The following DYNC1I1 variants were observed in gnomAD, a reference collection of about 807,000 sequenced individuals.
DYNC1I1 encodes the protein dynein cytoplasmic 1 intermediate chain 1.
A neutral mutation model predicts 86.6 loss-of-function variants in DYNC1I1; 43 were observed. The observed-to-expected ratio is 0.50, with a 90% CI of 0.39 to 0.64. DYNC1I1 has a LOEUF of 0.64. Among genes scored for constraint, DYNC1I1 ranks in the 30% least tolerant of loss-of-function variants. The probability of loss-of-function intolerance (pLI) is 0.00; values close to 1 mark genes in which losing one functional copy is unlikely to be tolerated. For synonymous variants in DYNC1I1, 262 were observed against 283.7 expected (o/e 0.92, Z 0.77); for missense variants, 604 against 788.8 (o/e 0.77, Z 2.81).
chr7:95,998,019 CATA>C (rs1466683972), intron 10 of DYNC1I1, among the ~76,000 whole-genome samples: 1 of 152,210 alleles, frequency 6.6e-6, no homozygotes, highest in East Asian at 1.9e-4. Flanking sequence ...AGACAGATAA[CATA>C]ATAAAGGCAA....
At chr7:95,931,308 C>G (rs967590886) in intron 6 of DYNC1I1, among the ~76,000 whole-genome samples, 1 of 152,098 alleles carries the variant, frequency 6.6e-6, no homozygotes, top group Admixed American at 6.5e-5. Flanking sequence ...CACCACCACA[C>G]CCAGCTAACT....
chr7:95,996,206 TC>T, intron 10 of DYNC1I1, 133 bp downstream of exon 10: 1 of 1,336,346 alleles, frequency 7.5e-7, no homozygotes, highest in Non-Finnish European at 1.0e-6. Flanking sequence ...TTTGGAAAAT[TC>T]CCCCACAGTA....
At chr7:96,091,160 T>G (rs972059947) in intron 16 of DYNC1I1, among the ~76,000 whole-genome samples, 1 of 152,194 alleles carries the variant, frequency 6.6e-6, no homozygotes, top group Non-Finnish European at 1.5e-5. Flanking sequence ...ATTGTCCTTT[T>G]TAAAAGGCTT....
intron 16 of DYNC1I1, among the ~76,000 whole-genome samples, chr7:96,089,736 A>G (rs919977895): frequency 1.3e-5 from 2 of 152,136 alleles, no homozygotes; most frequent in Admixed American, 6.5e-5. Flanking sequence ...GAACTGCGTT[A>G]TAAAAATACC....
At chr7:96,074,208 T>G (rs1008560975) in intron 14 of DYNC1I1, among the ~76,000 whole-genome samples, 2 of 152,202 alleles carry the variant, frequency 1.3e-5, no homozygotes, top group African/African-American at 2.4e-5. Flanking sequence ...TCTCACTATA[T>G]CCACATAGTG....
chr7:95,931,431 G>A (rs1457714504), intron 6 of DYNC1I1, among the ~76,000 whole-genome samples: 3 of 152,014 alleles, frequency 2.0e-5, no homozygotes, highest in African/African-American at 7.3e-5. Context: ...TTACAGGCGT[G>A]AGCCACTGCG....
intron 10 of DYNC1I1, among the ~76,000 whole-genome samples, chr7:96,008,027 G>A (rs1794184290): frequency 6.6e-6 from 1 of 152,150 alleles, no homozygotes; most frequent in Non-Finnish European, 1.5e-5. Context: ...TATTGCACTT[G>A]GGAATGCTCT....
chr7:95,939,644 T>G (rs1192373337), intron 6 of DYNC1I1, among the ~76,000 whole-genome samples: 2 of 151,120 alleles, frequency 1.3e-5, no homozygotes, highest in African/African-American at 2.4e-5. Flanking sequence ...GTTTTCCATT[T>G]GCTTGGTAGA....
intron 6 of DYNC1I1, among the ~76,000 whole-genome samples, chr7:95,914,135 A>G (rs145344381): frequency 1.4e-4 from 22 of 152,278 alleles, no homozygotes; most frequent in Non-Finnish European, 2.9e-4. Flanking sequence ...CAGACCTGTT[A>G]CTCCTGGAAA....
At chr7:96,050,894 A>G (rs573591029) in intron 14 of DYNC1I1, among the ~76,000 whole-genome samples, 11 of 152,202 alleles carry the variant, frequency 7.2e-5, no homozygotes, top group Non-Finnish European at 1.5e-4. Context: ...ATCCTTTAAA[A>G]AAAAGTACTA....
chr7:96,096,125 C>A (rs1464057752), intron 16 of DYNC1I1, among the ~76,000 whole-genome samples: 1 of 152,054 alleles, frequency 6.6e-6, no homozygotes, highest in East Asian at 1.9e-4. Context: ...GCCTTAATAC[C>A]AGAACACTAA....
chr7:95,968,309 A>G (rs987253417), intron 6 of DYNC1I1, among the ~76,000 whole-genome samples: 2 of 152,162 alleles, frequency 1.3e-5, no homozygotes, highest in African/African-American at 4.8e-5. Context: ...GAGAACATGT[A>G]CTAATATTAG....
intron 4 of DYNC1I1, among the ~76,000 whole-genome samples, chr7:95,815,047 G>GAA (rs1794917164): frequency 6.6e-6 from 1 of 152,024 alleles, no homozygotes; most frequent in African/African-American, 2.4e-5. Context: ...GTACCATGAT[G>GAA]GTGCGTGTCA....
intron 14 of DYNC1I1, among the ~76,000 whole-genome samples, chr7:96,072,108 AC>A (rs563949604): frequency 1.2e-4 from 18 of 152,338 alleles, no homozygotes; most frequent in African/African-American, 4.3e-4. Context: ...ATTAAATTAG[AC>A]AATGTACATA....
intron 6 of DYNC1I1, among the ~76,000 whole-genome samples, chr7:95,970,474 C>G (rs778006712): frequency 1.5e-4 from 23 of 152,126 alleles, no homozygotes; most frequent in Non-Finnish European, 2.5e-4. Flanking sequence ...CGAATCTGCA[C>G]AAAGGGTGTG....
intron 10 of DYNC1I1, among the ~76,000 whole-genome samples, chr7:96,011,277 A>G (rs955226668): frequency 1.3e-5 from 2 of 152,164 alleles, no homozygotes; most frequent in African/African-American, 2.4e-5. Context: ...ACTATACTTA[A>G]TATGTACCAA....
chr7:95,893,857 G>A (rs923124043), intron 6 of DYNC1I1, among the ~76,000 whole-genome samples: 1 of 152,170 alleles, frequency 6.6e-6, no homozygotes, highest in Non-Finnish European at 1.5e-5. Context: ...AAATGAAACA[G>A]TAGAGTGTGC....
intron 14 of DYNC1I1, 60 bp downstream of exon 14, chr7:96,039,481 T>C (rs377465210): frequency 5.6e-6 from 9 of 1,605,696 alleles, no homozygotes; most frequent in Non-Finnish European, 7.7e-6. Context: ...TGGTTTTTCA[T>C]TCCCTGGAAA....
intron 5 of DYNC1I1, among the ~76,000 whole-genome samples, chr7:95,839,439 C>T (rs911167494): frequency 3.3e-5 from 5 of 152,096 alleles, no homozygotes; most frequent in Non-Finnish European, 5.9e-5. Flanking sequence ...CTCTTGCATA[C>T]GAAAACTCTA....
Sources: gnomAD v4.1 joint callset for allele counts (sites outside exome capture counted in the v4.1 genomes callset) on GRCh38, gnomAD v4.1.1 for gene constraint, MANE v1.5 for transcripts, NCBI Gene and HGNC (gene_info 2026-07-23, HGNC 2026-07-21) for gene names.